Variants in BCL11A observed in about 807,000 individuals in gnomAD.
BCL11A encodes BCL11 transcription factor A.
Under a neutral mutation model 55.9 loss-of-function variants are expected in BCL11A, and 2 were observed. The ratio of observed to expected loss-of-function variants is 0.04; its 90% CI spans 0.01 to 0.11. BCL11A has a LOEUF of 0.11. BCL11A is among the 10% of genes least tolerant of loss of function. The pLI, the probability that BCL11A is intolerant of heterozygous loss-of-function variation, is 1.00. For synonymous variants in BCL11A, 465 were observed against 473.4 expected, an observed-to-expected ratio of 0.98 and a Z score of 0.23; for missense variants, 817 against 1,137.1, an observed-to-expected ratio of 0.72 and a Z score of 4.05.
intron 3 of BCL11A, among the ~76,000 whole-genome samples, chr2:60,466,165 A>AG (rs1676595856): frequency 1.3e-5 from 2 of 151,934 alleles, no homozygotes; most frequent in South Asian, 4.2e-4. Context: ...GGGAGAGGAC[A>AG]GGGGTTCCCT....
intron 3 of BCL11A, among the ~76,000 whole-genome samples, chr2:60,467,222 A>ATGGTGG (rs777877828): frequency 1.0e-4 from 7 of 68,140 alleles, no homozygotes; most frequent in African/African-American, 2.9e-4. Flanking sequence ...GGTACTGGTG[A>ATGGTGG]TGGTGGTGGT....
rs755596086 is a variant in BCL11A at position 60,461,065 on chromosome 2, C to A, written c.1847G>T (p.Gly616Val). Residue 616 changes from glycine to valine, a missense_variant, in exon 4 of 4, where the codon GGC becomes GTC. By Grantham distance (109) the Gly-to-Val change is moderately radical. Around this residue, in one of 4 missense-constraint regions of BCL11A, gnomAD observed 379 missense variants for 425.3 expected, o/e 0.89. Transcript: ENST00000642384. ...GCSPGESASG[G>V]LSKKLLLGSP... ...GCCCAGCAGCAGCTTTTTGGACAGGCCCCCCGAGGCCGACTCGCCCGGGGA... is the reference window on the plus strand; with the variant it reads ...GCCCAGCAGCAGCTTTTTGGACAGGACCCCCGAGGCCGACTCGCCCGGGGA... 6.2e-7 allele frequency: 1 copy of A among 1,602,916 alleles called. No homozygotes were observed. The highest frequency in any genetic ancestry group is 8.5e-7 in the Non-Finnish European group (1 of 1,173,950).
At chr2:60,518,842 G>A (rs947224630) in intron 2 of BCL11A, among the ~76,000 whole-genome samples, 19 of 152,192 alleles carry the variant, frequency 1.2e-4, no homozygotes, top group African/African-American at 4.3e-4. Context: ...TCCACATGGT[G>A]TTGCTCGATG....
At chr2:60,452,841 T>C (rs760251532), downstream of BCL11A, 42 of 563,590 alleles carry the variant, frequency 7.5e-5, no homozygotes, top group African/African-American at 1.5e-4. Context: ...CCCAAGTATC[T>C]CTGACCTCTG....
intron 2 of BCL11A, among the ~76,000 whole-genome samples, chr2:60,484,684 G>C (rs1163218482): frequency 6.6e-6 from 1 of 151,736 alleles, no homozygotes; most frequent in Non-Finnish European, 1.5e-5. Flanking sequence ...GGGGAATTTG[G>C]AGGGGGGCAA....
intron 2 of BCL11A, among the ~76,000 whole-genome samples, chr2:60,498,280 G>A (rs774733768): frequency 2.0e-5 from 3 of 151,924 alleles, no homozygotes; most frequent in Non-Finnish European, 4.4e-5. Context: ...CCTGTCAGAA[G>A]AGGCCCTGGA....
intron 2 of BCL11A, chr2:60,538,385 G>A (rs1234769335): frequency 6.6e-6 from 1 of 152,248 alleles, no homozygotes; most frequent in Non-Finnish European, 1.5e-5. Flanking sequence ...ACTCACATCA[G>A]TCTCCAGGGT....
chr2:60,458,225 T>C lies in BCL11A; in HGVS notation c.*2179A>G. On this transcript the variant is annotated 3_prime_UTR_variant, in exon 4 of 4. Transcript: ENST00000642384. ...GCATAGGAATCAACATGAGTGTGCATTTTCCTATATTTAAGTACTATATAA... is the reference window on the plus strand; with the variant it reads ...GCATAGGAATCAACATGAGTGTGCACTTTCCTATATTTAAGTACTATATAA... The C allele has an allele frequency of 9.8e-7, 1 of 1,024,260 alleles. No homozygotes were observed. The highest frequency in any genetic ancestry group is 1.2e-6 in the Non-Finnish European group (1 of 852,598). 63.4% of individuals were successfully genotyped at this position (1,024,260 alleles called of 1,614,324 possible).
chr2:60,515,138 G>C (rs772245231), intron 2 of BCL11A, among the ~76,000 whole-genome samples: 7 of 152,172 alleles, frequency 4.6e-5, no homozygotes, highest in Non-Finnish European at 8.8e-5. Flanking sequence ...CTGGCTTCCA[G>C]GTGAGCGAGA....
chr2:60,551,172 G>A (rs1299450658), intron 1 of BCL11A, among the ~76,000 whole-genome samples: 1 of 152,286 alleles, frequency 6.6e-6, no homozygotes, highest in Admixed American at 6.5e-5. Context: ...AAATTGAGTA[G>A]GGGGGGAATG....
At chr2:60,491,208 C>T (rs1028726296) in intron 2 of BCL11A, among the ~76,000 whole-genome samples, 1 of 152,200 alleles carries the variant, frequency 6.6e-6, no homozygotes, top group South Asian at 2.1e-4. Flanking sequence ...GTCTCAGCCA[C>T]CTGCGCATCC....
At chr2:60,503,483 T>G (rs190498823) in intron 2 of BCL11A, among the ~76,000 whole-genome samples, 1 of 152,330 alleles carries the variant, frequency 6.6e-6, no homozygotes, top group Non-Finnish European at 1.5e-5. Flanking sequence ...CCTCCACCTA[T>G]TCACAGATGG....
Position 60,462,259 on chromosome 2 carries a change from C to T in BCL11A, c.653G>A (p.Gly218Asp). Residue 218 changes from glycine (G) to aspartate (D), a missense_variant, in exon 4 of 4, where the codon GGT (glycine) becomes GAT (aspartate). Gly to Asp is a moderately conservative substitution (Grantham distance 94, BLOSUM62 -1). Around this residue, in one of 4 missense-constraint regions of BCL11A, gnomAD observed 363 missense variants for 486.6 expected, o/e 0.75. Transcript: ENST00000642384. ...AGGTGGCTGGGAAGGACATTCTGCA[C>T]CTAGTCCTGAAGGGATACCAACCCG... ...TPRVGIPSGL[G>D]AECPSQPPLH... 1 of 1,614,054 alleles carries T rather than the reference C, an allele frequency of 6.2e-7. No individual in the cohort carries two copies. The highest frequency in any genetic ancestry group is 1.1e-5 in the South Asian group (1 of 91,082).
intron 2 of BCL11A, among the ~76,000 whole-genome samples, chr2:60,505,313 T>A (rs1246678360): frequency 6.6e-6 from 1 of 152,186 alleles, no homozygotes; most frequent in East Asian, 1.9e-4. Flanking sequence ...ACCCCATTCT[T>A]CCAGATTGTT....
At chr2:60,483,422 C>T (rs1410469703) in intron 2 of BCL11A, among the ~76,000 whole-genome samples, 1 of 152,198 alleles carries the variant, frequency 6.6e-6, no homozygotes, top group Non-Finnish European at 1.5e-5. Flanking sequence ...AGACTTGAGA[C>T]CAGGCAAGTC....
intron 2 of BCL11A, among the ~76,000 whole-genome samples, chr2:60,487,873 T>C (rs952990801): frequency 3.4e-4 from 52 of 152,206 alleles, no homozygotes; most frequent in African/African-American, 1.1e-3. Context: ...AAGAGGAACA[T>C]GGACAGCTGG....
At chr2:60,492,829 G>A (rs1305220553) in intron 2 of BCL11A, among the ~76,000 whole-genome samples, 2 of 152,134 alleles carry the variant, frequency 1.3e-5, no homozygotes, top group Non-Finnish European at 2.9e-5. Flanking sequence ...GCTTTATTAA[G>A]GTATACTTTA....
chr2:60,553,274 G>A lies in BCL11A; in HGVS notation c.-4C>T. The A allele has an allele frequency of 1.3e-6, 2 of 1,576,166 alleles. No homozygotes were observed. The highest frequency in any genetic ancestry group is 1.7e-6 in the Non-Finnish European group (2 of 1,168,010). Reference sequence around the variant, plus strand: ...TGCCTTGCTTGCGGCGAGACATGGTGGGCTGCGGGGCGGGCGGCGGCGGCG... The same window carrying A: ...TGCCTTGCTTGCGGCGAGACATGGTAGGCTGCGGGGCGGGCGGCGGCGGCG... On this transcript the variant is annotated 5_prime_UTR_variant, in exon 1 of 4. Transcript: ENST00000642384.
At chr2:60,479,638 C>T (rs915602534) in intron 2 of BCL11A, among the ~76,000 whole-genome samples, 2 of 152,150 alleles carry the variant, frequency 1.3e-5, no homozygotes, top group Non-Finnish European at 2.9e-5. Context: ...GGCAGGCTGA[C>T]GCGGTTTCAA....
Sources: allele counts gnomAD v4.1 joint callset (sites outside exome capture counted in the v4.1 genomes callset), GRCh38; gene constraint gnomAD v4.1.1; regional missense constraint gnomAD v4.1.1; transcripts MANE v1.5; gene names NCBI Gene and HGNC (gene_info 2026-07-23, HGNC 2026-07-21).